PTPRD: variants seen among roughly 807,000 people sequenced by gnomAD.
PTPRD encodes the protein protein tyrosine phosphatase receptor type D.
A neutral mutation model predicts 214.5 loss-of-function variants in PTPRD; 34 were observed. That is an observed-to-expected ratio of 0.16 (90% CI 0.12 to 0.21). The LOEUF (loss-of-function observed/expected upper bound fraction) is 0.21. Among genes scored for constraint, PTPRD ranks in the 10% least tolerant of loss-of-function variants. PTPRD has a pLI of 1.00. For missense variants in PTPRD, 2,545 were observed against 2,398.7 expected, an observed-to-expected ratio of 1.06 and a Z score of -1.27; for synonymous variants, 1,128 against 845.7, an observed-to-expected ratio of 1.33 and a Z score of -5.79.
chr9:8,795,578 A>G (rs2096390263), intron 11 of PTPRD, among the ~76,000 whole-genome samples: 1 of 152,226 alleles, frequency 6.6e-6, no homozygotes, highest in Admixed American at 6.5e-5. Flanking sequence ...GGACTGATAG[A>G]TGAAAACTTT....
chr9:9,856,620 A>AT (rs1339343899), intron 5 of PTPRD, among the ~76,000 whole-genome samples: 1 of 147,540 alleles, frequency 6.8e-6, no homozygotes, highest in Non-Finnish European at 1.5e-5. Flanking sequence ...ATTGTTAAAA[A>AT]AAAAGAAGAA....
At chr9:8,566,297 T>C (rs978025204) in intron 14 of PTPRD, among the ~76,000 whole-genome samples, 1 of 152,084 alleles carries the variant, frequency 6.6e-6, no homozygotes, top group African/African-American at 2.4e-5. Context: ...CCCAAAGAAT[T>C]GCTGTTTCGA....
intron 5 of PTPRD, among the ~76,000 whole-genome samples, chr9:9,775,463 T>C (rs1166040125): frequency 6.6e-6 from 1 of 152,162 alleles, no homozygotes; most frequent in Non-Finnish European, 1.5e-5. Flanking sequence ...TAATTAGAAT[T>C]ACAATCAAAT....
chr9:10,195,321 AGTTT>A (rs1429811717), intron 3 of PTPRD, among the ~76,000 whole-genome samples: 1 of 152,078 alleles, frequency 6.6e-6, no homozygotes, highest in African/African-American at 2.4e-5. Flanking sequence ...GACTGCAGTT[AGTTT>A]TTCTCAAAAT....
intron 11 of PTPRD, among the ~76,000 whole-genome samples, chr9:8,790,976 G>A (rs1192082727): frequency 6.6e-6 from 1 of 152,166 alleles, no homozygotes; most frequent in African/African-American, 2.4e-5. Context: ...TTTTGTTATT[G>A]AGGAAAGTGA....
At chr9:9,740,572 A>G (rs939101644) in intron 6 of PTPRD, among the ~76,000 whole-genome samples, 4 of 152,062 alleles carry the variant, frequency 2.6e-5, no homozygotes, top group South Asian at 4.1e-4. Flanking sequence ...CGTGTTAGCC[A>G]GGATGGTCTG....
intron 9 of PTPRD, among the ~76,000 whole-genome samples, chr9:9,332,925 T>C (rs2042887860): frequency 6.6e-6 from 1 of 152,078 alleles, no homozygotes; most frequent in African/African-American, 2.4e-5. Context: ...TCTTACGCTG[T>C]GTTATTCTCT....
intron 11 of PTPRD, among the ~76,000 whole-genome samples, chr9:8,885,594 T>A (rs919611552): frequency 3.3e-5 from 5 of 150,076 alleles, no homozygotes; most frequent in African/African-American, 1.2e-4. Flanking sequence ...CCTTCCAGGT[T>A]CAAGCAATTC....
rs80054701 is a variant in PTPRD at position 9,964,769 on chromosome 9, G to T, written c.-471-26159C>A. Among the ~76,000 whole-genome samples the T allele has an allele frequency of 3.4e-3, 519 of 152,200 alleles. 4 individuals carry two copies. The highest frequency in any genetic ancestry group is 0.011 in the African/African-American group (475 of 41,532). ...ATTGCTTATAACTTAGTGTTCAAAA[G>T]TGAAAACATTTTAACAATGTAATAA... On this transcript the variant is annotated intron_variant, in intron 4 of 45. Coordinates refer to ENST00000381196, the MANE Select transcript of PTPRD (RefSeq NM_002839.4).
At chr9:9,695,634 G>A (rs2097359542) in intron 7 of PTPRD, among the ~76,000 whole-genome samples, 1 of 151,950 alleles carries the variant, frequency 6.6e-6, no homozygotes, top group South Asian at 2.1e-4. Flanking sequence ...TTTATCTAAT[G>A]CTTTTCAGCA....
intron 35 of PTPRD, among the ~76,000 whole-genome samples, chr9:8,416,293 GCATA>G (rs1477115782): frequency 1.3e-5 from 2 of 152,036 alleles, no homozygotes; most frequent in Non-Finnish European, 2.9e-5. Context: ...CACATGCACT[GCATA>G]CATACATGAA....
chr9:9,406,930 G>C (rs1192866116), intron 8 of PTPRD, among the ~76,000 whole-genome samples: 2 of 151,042 alleles, frequency 1.3e-5, no homozygotes, highest in Non-Finnish European at 3.0e-5. Flanking sequence ...GAGCACTGGA[G>C]CTCTGGAGCT....
chr9:9,488,436 G>A (rs756565080), intron 8 of PTPRD, among the ~76,000 whole-genome samples: 3 of 152,096 alleles, frequency 2.0e-5, no homozygotes, highest in Admixed American at 2.0e-4. Flanking sequence ...CCACTCAGTT[G>A]TACCTGGAAA....
intron 5 of PTPRD, among the ~76,000 whole-genome samples, chr9:9,795,527 AGTATT>A (rs1390992461): frequency 6.6e-6 from 1 of 152,238 alleles, no homozygotes; most frequent in East Asian, 1.9e-4. Context: ...GTATAAGCAT[AGTATT>A]GTGTTATCAT....
At position 8,315,398 on chromosome 9, in the gene PTPRD, T is replaced by C. The variant is rs1034838111; in HGVS notation, c.*2476A>G. On this transcript the variant is annotated 3_prime_UTR_variant, in exon 46 of 46. Transcript: ENST00000381196. The stretch of plus-strand genomic sequence containing the variant: ...TTCTGGTGTGCAGTGCTCCATCGGA[T>C]TCTACATGTCCAACAAGGCATGTCT... 4.3e-6 allele frequency: 1 copy of C among 232,516 alleles called. No individual in the cohort carries two copies. Among genetic ancestry groups the C allele is most frequent in the African/African-American group, 2.2e-5 (1 of 45,266 alleles). 14.4% of individuals were successfully genotyped at this position (232,516 alleles called of 1,614,324 possible). A position where few individuals can be genotyped will look rare whatever the true frequency, so the allele number is the denominator to read the frequency against.
At chr9:9,907,385 G>T (rs1271067742) in intron 5 of PTPRD, among the ~76,000 whole-genome samples, 1 of 151,896 alleles carries the variant, frequency 6.6e-6, no homozygotes, top group Non-Finnish European at 1.5e-5. Context: ...TTTTCTCACA[G>T]TTTTAAGAGG....
At chr9:9,210,951 T>C (rs1292099269) in intron 9 of PTPRD, among the ~76,000 whole-genome samples, 2 of 152,190 alleles carry the variant, frequency 1.3e-5, no homozygotes, top group East Asian at 1.9e-4. Flanking sequence ...TTTTTATTTT[T>C]CTGAAATTTC....
At chr9:9,649,947 T>A (rs750626557) in intron 7 of PTPRD, among the ~76,000 whole-genome samples, 1 of 152,098 alleles carries the variant, frequency 6.6e-6, no homozygotes, top group Admixed American at 6.6e-5. Flanking sequence ...GTGCTAGCGA[T>A]AGAAAAAATG....
chr9:8,800,058 G>A (rs2096540515), intron 11 of PTPRD, among the ~76,000 whole-genome samples: 1 of 151,650 alleles, frequency 6.6e-6, no homozygotes, highest in African/African-American at 2.4e-5. Flanking sequence ...AGCATAGGAC[G>A]GCACTACCAT....
Sources: allele counts gnomAD v4.1 joint callset (sites outside exome capture counted in the v4.1 genomes callset), GRCh38; gene constraint gnomAD v4.1.1; transcripts MANE v1.5; gene names NCBI Gene and HGNC (gene_info 2026-07-23, HGNC 2026-07-21).